The following VMP1 variants were observed in gnomAD, a reference collection of about 807,000 sequenced individuals.
VMP1 encodes the protein vacuole membrane protein 1.
A neutral mutation model predicts 56.0 loss-of-function variants in VMP1; 11 were observed. That is an observed-to-expected ratio of 0.20 (90% CI 0.12 to 0.32). The LOEUF (loss-of-function observed/expected upper bound fraction) is 0.32, where lower values mean the gene tolerates loss of function less well. Among genes scored for constraint, VMP1 ranks in the 10% least tolerant of loss-of-function variants. The probability of loss-of-function intolerance (pLI) is 1.00; values close to 1 mark genes in which losing one functional copy is unlikely to be tolerated. For synonymous variants in VMP1, 149 were observed against 165.0 expected, an observed-to-expected ratio of 0.90 and a Z score of 0.74; for missense variants, 296 against 490.3, an observed-to-expected ratio of 0.60 and a Z score of 3.74.
chr17:59,725,908 A>G (rs935824019), intron 1 of VMP1, among the ~76,000 whole-genome samples: 6 of 152,230 alleles, frequency 3.9e-5, no homozygotes, highest in African/African-American at 1.4e-4. Flanking sequence ...AAACCTTCAA[A>G]TAATTGTGCA....
intron 10 of VMP1, among the ~76,000 whole-genome samples, chr17:59,831,753 T>C (rs990852484): frequency 4.6e-5 from 7 of 151,030 alleles, no homozygotes; most frequent in African/African-American, 1.7e-4. Flanking sequence ...GTTTCAAGTC[T>C]GTGTTTTTTT....
At chr17:59,756,681 CAT>C (rs1158813527) in intron 5 of VMP1, among the ~76,000 whole-genome samples, 1 of 152,150 alleles carries the variant, frequency 6.6e-6, no homozygotes, top group Non-Finnish European at 1.5e-5. Flanking sequence ...TAAAAATACT[CAT>C]ACACACACAA....
intron 5 of VMP1, among the ~76,000 whole-genome samples, chr17:59,756,559 A>C (rs2035848865): frequency 6.6e-6 from 1 of 152,222 alleles, no homozygotes. Context: ...ATGAATTGAC[A>C]TTACAGATGT....
intron 10 of VMP1, among the ~76,000 whole-genome samples, chr17:59,818,643 G>T (rs1666179573): frequency 6.6e-6 from 1 of 151,912 alleles, no homozygotes; most frequent in South Asian, 2.1e-4. Flanking sequence ...GGTGGCACAT[G>T]CCTGTAATCC....
chr17:59,790,767 G>T (rs1353213528), intron 7 of VMP1, among the ~76,000 whole-genome samples: 1 of 152,086 alleles, frequency 6.6e-6, no homozygotes, highest in Admixed American at 6.6e-5. Context: ...CTCCAGTCTG[G>T]GTGACAGGGC....
chr17:59,819,763 A>T (rs2038373976), intron 10 of VMP1, among the ~76,000 whole-genome samples: 1 of 152,174 alleles, frequency 6.6e-6, no homozygotes, highest in African/African-American at 2.4e-5. Flanking sequence ...CTTATTTTTT[A>T]AATGTAAGGA....
rs1424968490 is a variant in VMP1 at position 59,808,779 on chromosome 17, A to G, written c.715-17A>G. ...TTCCTACTTCTCATTAATGTTTCTA[A>G]ATTTGCCTTTTTACAGGACTTTGCC... On this transcript the variant is annotated splice_polypyrimidine_tract_variant and intron_variant, in intron 7 of 11. Transcript: ENST00000262291. 6.2e-7 allele frequency: 1 copy of G among 1,607,120 alleles called. No homozygotes were observed. The highest frequency in any genetic ancestry group is 1.3e-5 in the African/African-American group (1 of 74,640).
chr17:59,839,244 GC>G (rs2039080948), intron 11 of VMP1: 1 of 152,610 alleles, frequency 6.6e-6, no homozygotes, highest in South Asian at 2.0e-4. Context: ...GCCCGCCTTG[GC>G]CTCCCAAAGT....
intron 7 of VMP1, among the ~76,000 whole-genome samples, chr17:59,805,023 A>G (rs1000917289): frequency 2.0e-5 from 3 of 152,230 alleles, no homozygotes; most frequent in African/African-American, 7.2e-5. Context: ...CTTTTTCAGT[A>G]GATGACTTTC....
intron 9 of VMP1, among the ~76,000 whole-genome samples, chr17:59,814,198 C>T (rs577048301): frequency 3.3e-5 from 5 of 152,142 alleles, no homozygotes; most frequent in Non-Finnish European, 2.9e-5. Flanking sequence ...AGGCTGGTCT[C>T]GAACTCCTGA....
At chr17:59,797,158 C>A (rs1055247402) in intron 7 of VMP1, among the ~76,000 whole-genome samples, 4 of 58,878 alleles carry the variant, frequency 6.8e-5, no homozygotes, top group Non-Finnish European at 1.2e-4. Flanking sequence ...ATGGTGAAAC[C>A]CCCCCCCCGT....
intron 10 of VMP1, among the ~76,000 whole-genome samples, chr17:59,822,414 C>T (rs1444822731): frequency 2.0e-5 from 3 of 149,832 alleles, no homozygotes; most frequent in Non-Finnish European, 4.4e-5. Context: ...CTCCAATCTC[C>T]GCCTCCCGGG....
At chr17:59,758,837 G>A (rs1444708578) in intron 5 of VMP1, among the ~76,000 whole-genome samples, 1 of 151,956 alleles carries the variant, frequency 6.6e-6, no homozygotes, top group Non-Finnish European at 1.5e-5. Context: ...GCTTACACCT[G>A]TAATCCCAGC....
chr17:59,751,785 C>G (rs1342000161), intron 5 of VMP1, among the ~76,000 whole-genome samples: 1 of 147,992 alleles, frequency 6.8e-6, no homozygotes, highest in Non-Finnish European at 1.5e-5. Context: ...CCTAGGGCTA[C>G]AGAGCATACC....
chr17:59,754,368 A>C (rs1473277559), intron 5 of VMP1, among the ~76,000 whole-genome samples: 1 of 152,198 alleles, frequency 6.6e-6, no homozygotes, highest in South Asian at 2.1e-4. Flanking sequence ...CTATTGCTAA[A>C]AGTAAATATT....
chr17:59,811,738 C>G lies in VMP1; in HGVS notation c.864C>G (p.Phe288Leu). ...ACTTTCTGGTACCTTTTTGGACCTTCTTTGGTGCAACCCTAATTGGAAAAG... is the reference window on the plus strand; with the variant it reads ...ACTTTCTGGTACCTTTTTGGACCTTGTTTGGTGCAACCCTAATTGGAAAAG... ...CGHFLVPFWT[F>L]FGATLIGKAI... The change falls in exon 9 of 12, where the codon TTC becomes TTG. Residue 288 changes from phenylalanine to leucine, a missense_variant. By Grantham distance (22) the Phe-to-Leu change is conservative. This residue lies in a region of VMP1 where 6 missense variants were observed against 44.4 expected (regional missense o/e 0.14). Coordinates refer to ENST00000262291, the MANE Select transcript of VMP1 (RefSeq NM_030938.5). 6.2e-7 allele frequency: 1 copy of G among 1,613,924 alleles called. No homozygotes were observed. Among genetic ancestry groups the G allele is most frequent in the Non-Finnish European group, 8.5e-7 (1 of 1,179,896 alleles).
intron 7 of VMP1, among the ~76,000 whole-genome samples, chr17:59,803,042 G>A (rs1233720837): frequency 6.6e-6 from 1 of 152,214 alleles, no homozygotes; most frequent in Non-Finnish European, 1.5e-5. Context: ...ACCGCATATG[G>A]CCTTCTGTTG....
At chr17:59,800,296 T>G (rs2037592592) in intron 7 of VMP1, among the ~76,000 whole-genome samples, 1 of 152,234 alleles carries the variant, frequency 6.6e-6, no homozygotes, top group African/African-American at 2.4e-5. Context: ...AATAACAAGT[T>G]ATTGTTTCAG....
chr17:59,766,940 C>T (rs1431824242), intron 6 of VMP1, among the ~76,000 whole-genome samples: 3 of 152,044 alleles, frequency 2.0e-5, no homozygotes, highest in East Asian at 1.9e-4. Context: ...CCACCACGCT[C>T]GGCTGATTTT....
Sources: gnomAD v4.1 joint callset for allele counts (sites outside exome capture counted in the v4.1 genomes callset) on GRCh38, gnomAD v4.1.1 for gene constraint, gnomAD v4.1.1 regional missense constraint, MANE v1.5 for transcripts, NCBI Gene and HGNC (gene_info 2026-07-23, HGNC 2026-07-21) for gene names.